DEPDC1B: variants seen among roughly 807,000 people sequenced by gnomAD.
DEPDC1B encodes DEP domain containing 1B, also known as DEP domain-containing protein 1B.
Under a neutral mutation model 66.5 loss-of-function variants are expected in DEPDC1B, and 51 were observed. The observed-to-expected ratio is 0.77, with a 90% CI of 0.61 to 0.97. The LOEUF is 0.97. Ranked by LOEUF, DEPDC1B falls within the 50% of genes least tolerant of loss-of-function variation. The pLI is 0.00. For synonymous variants in DEPDC1B, 226 were observed against 223.6 expected (o/e 1.01, Z -0.10); for missense variants, 552 against 637.1 (o/e 0.87, Z 1.44).
intron 7 of DEPDC1B, among the ~76,000 whole-genome samples, chr5:60,626,644 A>G (rs1396524821): frequency 6.6e-6 from 1 of 152,212 alleles, no homozygotes; most frequent in Non-Finnish European, 1.5e-5. Context: ...TAATTAAAAC[A>G]AAAAGTTTAC....
chr5:60,683,796 A>T (rs1469634910), intron 2 of DEPDC1B, among the ~76,000 whole-genome samples: 1 of 152,184 alleles, frequency 6.6e-6, no homozygotes, highest in Non-Finnish European at 1.5e-5. Context: ...ACGACATATA[A>T]ATTGGAAAAC....
chr5:60,600,125 G>A (rs1752175102), intron 9 of DEPDC1B, among the ~76,000 whole-genome samples: 1 of 152,206 alleles, frequency 6.6e-6, no homozygotes, highest in Admixed American at 6.5e-5. Flanking sequence ...TGAAGAGTGT[G>A]ATTCTCAATG....
Position 60,599,189 on chromosome 5 carries a change from C to T in DEPDC1B, c.1314G>A (p.Glu438=), listed in dbSNP as rs1373711356. ...CATATGATCTTTGATATTCAAATTC[C>T]TCTGGACTAATTTGACGGCAAAATG... is the stretch of plus-strand genomic sequence containing the variant. ...APSFCRQISP[E]EFEYQRSYGS... is the part of the protein sequence containing the mutation. Residue 438 remains glutamate, a synonymous_variant, in exon 10 of 11, where the codon GAG becomes GAA. Coordinates refer to ENST00000265036, the MANE Select transcript of DEPDC1B (RefSeq NM_018369.3). The T allele has an allele frequency of 6.2e-7, 1 of 1,612,862 alleles. No individual in the cohort carries two copies. The highest frequency in any genetic ancestry group is 1.1e-5 in the South Asian group (1 of 90,792).
chr5:60,639,631 C>T (rs1054275927), intron 6 of DEPDC1B, among the ~76,000 whole-genome samples: 7 of 152,234 alleles, frequency 4.6e-5, no homozygotes, highest in African/African-American at 1.7e-4. Context: ...AAAACATCCA[C>T]TTGTGTCTGG....
intron 2 of DEPDC1B, among the ~76,000 whole-genome samples, chr5:60,669,594 T>A (rs958099323): frequency 7.2e-5 from 11 of 152,194 alleles, no homozygotes; most frequent in Admixed American, 4.6e-4. Flanking sequence ...ATCACCTAAA[T>A]GCTGAAAAAC....
chr5:60,611,165 T>C (rs1752407736), intron 7 of DEPDC1B, among the ~76,000 whole-genome samples: 2 of 152,218 alleles, frequency 1.3e-5, no homozygotes, highest in South Asian at 2.1e-4. Context: ...TTTTAATTAT[T>C]ATTTTATCTA....
intron 2 of DEPDC1B, among the ~76,000 whole-genome samples, chr5:60,663,395 A>G (rs1753766034): frequency 6.6e-6 from 1 of 152,196 alleles, no homozygotes; most frequent in Non-Finnish European, 1.5e-5. Flanking sequence ...CCCAACGGAC[A>G]GTGGAGGTTA....
At chr5:60,635,339 C>T (rs1349930004) in intron 7 of DEPDC1B, among the ~76,000 whole-genome samples, 1 of 152,136 alleles carries the variant, frequency 6.6e-6, no homozygotes, top group Admixed American at 6.5e-5. Context: ...AGTCACTAGA[C>T]AAAAGAACCA....
intron 3 of DEPDC1B, among the ~76,000 whole-genome samples, chr5:60,646,717 T>A (rs1378693908): frequency 1.3e-5 from 2 of 152,144 alleles, no homozygotes; most frequent in Non-Finnish European, 2.9e-5. Flanking sequence ...CAGGAGGAGG[T>A]AAGCGTTGGG....
chr5:60,645,381 A>G, intron 4 of DEPDC1B, 111 bp downstream of exon 4: 1 of 1,096,694 alleles, frequency 9.1e-7, no homozygotes, highest in Non-Finnish European at 1.2e-6. Flanking sequence ...AATAATGCAA[A>G]GTTGAGATTT....
At chr5:60,657,585 T>C (rs1753607124) in intron 2 of DEPDC1B, among the ~76,000 whole-genome samples, 1 of 152,216 alleles carries the variant, frequency 6.6e-6, no homozygotes, top group African/African-American at 2.4e-5. Context: ...TCTTGGCTGA[T>C]AATTATTTTG....
At chr5:60,656,223 C>G (rs182149170) in intron 2 of DEPDC1B, among the ~76,000 whole-genome samples, 1 of 145,758 alleles carries the variant, frequency 6.9e-6, no homozygotes, top group East Asian at 2.0e-4. Context: ...TACAGTGGTG[C>G]GATTTTGGCT....
At position 60,619,666 on chromosome 5, in the gene DEPDC1B, C is replaced by T. The variant is rs1401211574; in HGVS notation, c.899-13810G>A. Among the ~76,000 whole-genome samples, 22 of 152,214 alleles carry T rather than the reference C, an allele frequency of 1.4e-4. 1 individual carries two copies. Among genetic ancestry groups the T allele is most frequent in the Admixed American group, 1.4e-3 (21 of 15,280 alleles). On this transcript the variant is annotated intron_variant, in intron 7 of 10. Coordinates refer to ENST00000265036, the MANE Select transcript of DEPDC1B (RefSeq NM_018369.3). ...GATACAAACAAATGGAGGAACATTC[C>T]ATGCTCATGGGTAGGAAGAATCAAT...
intron 1 of DEPDC1B, chr5:60,689,171 T>C (rs1415144019): frequency 2.4e-6 from 1 of 414,116 alleles, no homozygotes; most frequent in Non-Finnish European, 4.9e-6. Flanking sequence ...CCAGTTTCCT[T>C]CCACTACAAG....
chr5:60,667,758 TA>T (rs1299842010), intron 2 of DEPDC1B, among the ~76,000 whole-genome samples: 2 of 134,612 alleles, frequency 1.5e-5, no homozygotes, highest in African/African-American at 3.0e-5. Flanking sequence ...TACATATATA[TA>T]AAAAATGGAT....
chr5:60,641,815 G>C (rs1379667235), intron 6 of DEPDC1B, among the ~76,000 whole-genome samples: 1 of 152,124 alleles, frequency 6.6e-6, no homozygotes, highest in African/African-American at 2.4e-5. Context: ...GCATCTCAGA[G>C]GCTCCAAATT....
intron 2 of DEPDC1B, among the ~76,000 whole-genome samples, chr5:60,673,657 C>T (rs1392785860): frequency 6.6e-6 from 1 of 152,268 alleles, no homozygotes; most frequent in East Asian, 1.9e-4. Flanking sequence ...AATAGTATAC[C>T]CCAGCTTTCA....
chr5:60,644,792 A>T lies in DEPDC1B; in HGVS notation c.662T>A (p.Val221Glu). 6.2e-7 allele frequency: 1 copy of T among 1,610,972 alleles called. No homozygotes were observed. The highest frequency in any genetic ancestry group is 8.5e-7 in the Non-Finnish European group (1 of 1,178,438). ...LVNSKFIIHN[V>E]YSVSKQGVVI... Reference sequence around the variant, plus strand: ...AACTCCCTGCTTGCTAACACTATATACATTATGGATGATGAACTTCGAATT... The same window carrying T: ...AACTCCCTGCTTGCTAACACTATATTCATTATGGATGATGAACTTCGAATT... The change falls in exon 5 of 11, where the codon GTA becomes GAA. Residue 221 changes from valine (V) to glutamate (E), a missense_variant. Physicochemically the swap from Val to Glu is moderately radical, Grantham distance 121. Coordinates refer to ENST00000265036, the MANE Select transcript of DEPDC1B (RefSeq NM_018369.3).
At chr5:60,659,490 G>T (rs1753657496) in intron 2 of DEPDC1B, among the ~76,000 whole-genome samples, 1 of 152,178 alleles carries the variant, frequency 6.6e-6, no homozygotes, top group African/African-American at 2.4e-5. Flanking sequence ...AACCCTTCTG[G>T]CTTGGGAGCA....
Sources: gnomAD v4.1 joint callset for allele counts (sites outside exome capture counted in the v4.1 genomes callset) on GRCh38, gnomAD v4.1.1 for gene constraint, MANE v1.5 for transcripts, NCBI Gene and HGNC (gene_info 2026-07-23, HGNC 2026-07-21) for gene names.